Variants in CYREN observed in about 807,000 individuals in gnomAD.
CYREN encodes cell cycle regulator of NHEJ, also known as cell cycle regulator of non-homologous end joining.
In CYREN, 7 loss-of-function variants were observed where a neutral mutation model predicts 9.7. The observed-to-expected ratio is 0.72, with a 90% CI of 0.41 to 1.36. CYREN has a LOEUF of 1.36. Ranked by LOEUF, CYREN falls within the 40% of genes most tolerant of loss-of-function variation. The pLI is 0.01. For synonymous variants in CYREN, 76 were observed against 77.9 expected (o/e 0.98, Z 0.13); for missense variants, 215 against 198.1 (o/e 1.09, Z -0.51).
intron 2 of CYREN, among the ~76,000 whole-genome samples, chr7:135,137,929 T>C (rs2117388589): frequency 6.6e-6 from 1 of 152,108 alleles, no homozygotes; most frequent in Non-Finnish European, 1.5e-5. Flanking sequence ...ATCACTAATC[T>C]CATTCATGAG....
chr7:135,164,778 T>C (rs186256537), downstream of CYREN: 126 of 1,614,170 alleles, frequency 7.8e-5, 2 homozygotes, highest in Admixed American at 2.0e-3. Context: ...TGAGAGAGCG[T>C]GGCGGCTGGC....
intron 2 of CYREN, among the ~76,000 whole-genome samples, chr7:135,141,476 A>G (rs1254984971): frequency 6.6e-6 from 1 of 151,946 alleles, no homozygotes; most frequent in Non-Finnish European, 1.5e-5. Context: ...TGGTCTATCA[A>G]TTCTATTTAT....
intron 2 of CYREN, among the ~76,000 whole-genome samples, chr7:135,121,609 C>T (rs1424906217): frequency 2.0e-5 from 3 of 150,892 alleles, no homozygotes; most frequent in Admixed American, 6.6e-5. Flanking sequence ...CTGAATAAAT[C>T]GTGAGTCAAA....
intron 2 of CYREN, chr7:135,101,018 C>T: frequency 1.9e-5 from 7 of 361,480 alleles, no homozygotes; most frequent in South Asian, 1.5e-4. Flanking sequence ...ATGGCTATTA[C>T]ATTACTCTTA....
intron 2 of CYREN, among the ~76,000 whole-genome samples, chr7:135,138,127 A>G (rs1164870952): frequency 2.0e-5 from 3 of 152,054 alleles, no homozygotes; most frequent in Non-Finnish European, 1.5e-5. Flanking sequence ...TTTTCAGACA[A>G]ACAAAAATTG....
chr7:135,153,452 T>G (rs1268354182), intron 2 of CYREN, among the ~76,000 whole-genome samples: 1 of 39,340 alleles, frequency 2.5e-5, no homozygotes, highest in African/African-American at 8.8e-5. Context: ...AGACTCCATC[T>G]CCACAAAAAA....
intron 2 of CYREN, among the ~76,000 whole-genome samples, chr7:135,144,938 TAAA>T (rs58443282): frequency 0.026 from 1,165 of 45,606 alleles, 9 homozygotes; most frequent in African/African-American, 0.099. Flanking sequence ...CTCAAAAGAG[TAAA>T]AAAAAAAAAA....
chr7:135,103,503 T>C (rs1453783283), intron 2 of CYREN, among the ~76,000 whole-genome samples: 1 of 152,196 alleles, frequency 6.6e-6, no homozygotes, highest in Non-Finnish European at 1.5e-5. Flanking sequence ...GAAAGATTTT[T>C]AAAAATCAGC....
chr7:135,122,188 T>C (rs1827232960), intron 2 of CYREN, among the ~76,000 whole-genome samples: 1 of 152,188 alleles, frequency 6.6e-6, no homozygotes, highest in Non-Finnish European at 1.5e-5. Context: ...AGGCTGTGCT[T>C]TTCCTCTGCT....
intron 2 of CYREN, among the ~76,000 whole-genome samples, chr7:135,142,383 C>A (rs1299781384): frequency 6.6e-6 from 1 of 151,980 alleles, no homozygotes; most frequent in Non-Finnish European, 1.5e-5. Context: ...AATACATATA[C>A]AAAATATGTG....
intron 2 of CYREN, among the ~76,000 whole-genome samples, chr7:135,159,365 C>G (rs1181567835): frequency 6.6e-6 from 1 of 152,216 alleles, no homozygotes; most frequent in Non-Finnish European, 1.5e-5. Flanking sequence ...ATATTTGTGT[C>G]TCTTTCAGCC....
intron 2 of CYREN, chr7:135,148,406 C>A (rs1829593302): frequency 6.5e-6 from 2 of 307,526 alleles, no homozygotes; most frequent in African/African-American, 4.4e-5. Context: ...GTATCTGTGA[C>A]CCTCCCTCGC....
In CYREN at chr7:135,151,330, C is replaced by A. The variant is rs974459212; in HGVS notation, n.356+17419G>T. On this transcript the variant is annotated intron_variant and non_coding_transcript_variant, in intron 2 of 2. Transcript: ENST00000459937. The surrounding 1 kb of genome is among the most constrained non-coding windows in gnomAD (Gnocchi z 4.3). ...CATGTTTCTACCAAAGGAAATATGA[C>A]ACATTTCCCTTTCTTCTTCCCTTTT... Among the ~76,000 whole-genome samples the A allele has an allele frequency of 2.0e-5, 3 of 152,156 alleles. No individual in the cohort carries two copies. Among genetic ancestry groups the A allele is most frequent in the African/African-American group, 7.2e-5 (3 of 41,422 alleles).
intron 2 of CYREN, among the ~76,000 whole-genome samples, chr7:135,126,373 C>G (rs1827868881): frequency 6.6e-6 from 1 of 151,516 alleles, no homozygotes; most frequent in African/African-American, 2.4e-5. Context: ...CTACAGACCA[C>G]CAAGGAAACA....
intron 2 of CYREN, among the ~76,000 whole-genome samples, chr7:135,160,475 C>A (rs1233845085): frequency 6.6e-6 from 1 of 152,134 alleles, no homozygotes; most frequent in Non-Finnish European, 1.5e-5. Context: ...GGGTTTCCAA[C>A]CAAAGATCCA....
chr7:135,132,110 A>G (rs1321281250), intron 2 of CYREN, among the ~76,000 whole-genome samples: 2 of 152,200 alleles, frequency 1.3e-5, no homozygotes, highest in African/African-American at 2.4e-5. Flanking sequence ...AAGAATTAAT[A>G]CCAATTCTAT....
intron 2 of CYREN, chr7:135,148,201 C>G (rs1829586802): frequency 2.3e-6 from 1 of 431,404 alleles, no homozygotes; most frequent in African/African-American, 2.1e-5. Context: ...AAGGAAGATT[C>G]AAACAACCAA....
At chr7:135,102,836 T>C (rs1182507915) in intron 2 of CYREN, among the ~76,000 whole-genome samples, 2 of 152,128 alleles carry the variant, frequency 1.3e-5, no homozygotes, top group African/African-American at 4.8e-5. Context: ...GGAAAAAGCA[T>C]GGGAGAGAAT....
chr7:135,156,087 G>T (rs1489643227), intron 2 of CYREN, among the ~76,000 whole-genome samples: 1 of 151,452 alleles, frequency 6.6e-6, no homozygotes, highest in African/African-American at 2.4e-5. Context: ...TTTCTGGCAT[G>T]TAAGAATTCT....
Sources: gnomAD v4.1 joint callset for allele counts (sites outside exome capture counted in the v4.1 genomes callset) on GRCh38, gnomAD v4.1.1 for gene constraint, Gnocchi (gnomAD v3.1) non-coding constraint, MANE v1.5 for transcripts, NCBI Gene and HGNC (gene_info 2026-07-23, HGNC 2026-07-21) for gene names.